IGF2BP2: variants seen among roughly 807,000 people sequenced by gnomAD.
The protein encoded by IGF2BP2 is insulin like growth factor 2 mRNA binding protein 2.
In IGF2BP2, 17 loss-of-function variants were observed where a neutral mutation model predicts 75.8. That is an observed-to-expected ratio of 0.22 (90% CI 0.15 to 0.34). The LOEUF is 0.34. Ranked by LOEUF, IGF2BP2 falls within the 10% of genes least tolerant of loss-of-function variation. The pLI is 1.00. For synonymous variants in IGF2BP2, 288 were observed against 295.6 expected (o/e 0.97, Z 0.26); for missense variants, 516 against 772.4 (o/e 0.67, Z 3.93).
Position 185,824,944 on chromosome 3 carries a change from T to C in IGF2BP2, c.17A>G (p.Tyr6Cys). ...GACGGCGGGGCTCAGGTTCCCGATGTAAAGCTTGTTCATCATCCGTCTCTT... is the reference window on the plus strand; with the variant it reads ...GACGGCGGGGCTCAGGTTCCCGATGCAAAGCTTGTTCATCATCCGTCTCTT... MMNKLYIGNLSPAVTA... is the reference protein window; with the variant it reads MMNKLCIGNLSPAVTA... The change falls in exon 1 of 16, where the codon TAC becomes TGC. Residue 6 changes from tyrosine to cysteine, a missense_variant. Physicochemically the swap from Tyr to Cys is radical, Grantham distance 194 (BLOSUM62 -2). Transcript: ENST00000382199. 6.4e-7 allele frequency: 1 copy of C among 1,551,810 alleles called. No homozygotes were observed. Among genetic ancestry groups the C allele is most frequent in the African/African-American group, 1.4e-5 (1 of 71,844 alleles).
intron 7 of IGF2BP2, among the ~76,000 whole-genome samples, chr3:185,680,153 T>C (rs1720159460): frequency 1.3e-5 from 2 of 152,100 alleles, no homozygotes; most frequent in African/African-American, 4.8e-5. Context: ...ATAAAAAGGA[T>C]TATAAGAGAA....
In IGF2BP2 at chr3:185,675,910, G is replaced by A. The variant is rs1390200216; in HGVS notation, c.816C>T (p.Ala272=). ...CCAAGATTTTCAGAGGAATCTCTTC[G>A]GCTCTAAAAGAGACAAGCAGCAAGT... is the stretch of plus-strand genomic sequence containing the variant. ...MQKEADETKL[A]EEIPLKILAH... is the part of the protein sequence containing the mutation. Residue 272 remains alanine (A), a synonymous_variant, in exon 8 of 16, where the codon GCC becomes GCT. Transcript: ENST00000382199. The A allele has an allele frequency of 2.5e-6, 4 of 1,613,520 alleles. No homozygotes were observed. Among genetic ancestry groups the A allele is most frequent in the Non-Finnish European group, 2.5e-6 (3 of 1,179,858 alleles).
chr3:185,735,534 T>C (rs145468589), intron 2 of IGF2BP2, among the ~76,000 whole-genome samples: 1 of 152,370 alleles, frequency 6.6e-6, no homozygotes, highest in East Asian at 1.9e-4. Context: ...AAAGCTCTCA[T>C]ATCTTTGCTT....
chr3:185,796,155 T>C (rs913538815), intron 2 of IGF2BP2, among the ~76,000 whole-genome samples: 3 of 152,130 alleles, frequency 2.0e-5, no homozygotes, highest in African/African-American at 7.2e-5. Flanking sequence ...ATGAAAAAAC[T>C]TATTTAAAGG....
intron 2 of IGF2BP2, among the ~76,000 whole-genome samples, chr3:185,746,518 C>T (rs979819673): frequency 2.6e-5 from 4 of 152,180 alleles, no homozygotes; most frequent in African/African-American, 9.7e-5. Flanking sequence ...AAGGACTGGC[C>T]TTTCTATCAC....
chr3:185,670,617 G>A (rs1305856670), intron 10 of IGF2BP2, among the ~76,000 whole-genome samples: 1 of 152,116 alleles, frequency 6.6e-6, no homozygotes, highest in Non-Finnish European at 1.5e-5. Flanking sequence ...TGCCCAGGCT[G>A]GAGTGCAGTG....
At chr3:185,726,632 T>C (rs1375629904) in intron 2 of IGF2BP2, among the ~76,000 whole-genome samples, 1 of 152,258 alleles carries the variant, frequency 6.6e-6, no homozygotes, top group East Asian at 1.9e-4. Flanking sequence ...TTTGCTGAAC[T>C]CTCCAGCATT....
intron 2 of IGF2BP2, among the ~76,000 whole-genome samples, chr3:185,723,853 T>C (rs967837577): frequency 6.6e-6 from 1 of 152,000 alleles, no homozygotes; most frequent in South Asian, 2.1e-4. Flanking sequence ...GAAGGAAAAG[T>C]AGGCATCATC....
intron 2 of IGF2BP2, among the ~76,000 whole-genome samples, chr3:185,735,530 C>T (rs531108558): frequency 4.7e-4 from 71 of 152,316 alleles, no homozygotes; most frequent in Non-Finnish European, 9.4e-4. Context: ...GAACAAAGCT[C>T]TCATATCTTT....
In IGF2BP2 at chr3:185,645,414, T is replaced by G; in HGVS notation, c.*117A>C. On this transcript the variant is annotated 3_prime_UTR_variant, in exon 16 of 16. Transcript: ENST00000382199. This position sits in a 1 kb window ranked among gnomAD's most constrained non-coding sequence, Gnocchi z 4.9. ...GTCCCTGGCCGCCTCCGCAGACTTC[T>G]CATTCCTCAGATGGTCTTTGGTTTG... The G allele has an allele frequency of 1.4e-6, 1 of 737,896 alleles. No homozygotes were observed. The highest frequency in any genetic ancestry group is 2.4e-6 in the Non-Finnish European group (1 of 424,330). The allele number at this position is 737,896 out of a possible 1,614,324, so 45.7% of individuals were successfully genotyped here.
intron 2 of IGF2BP2, among the ~76,000 whole-genome samples, chr3:185,754,929 T>C (rs1731414705): frequency 6.6e-6 from 1 of 152,184 alleles, no homozygotes; most frequent in South Asian, 2.1e-4. Context: ...GTGGAACTTA[T>C]ATTTAAAAGG....
intron 1 of IGF2BP2, 49 bp downstream of exon 1, chr3:185,824,734 C>A: frequency 8.1e-7 from 1 of 1,240,192 alleles, no homozygotes; most frequent in Non-Finnish European, 1.0e-6. Flanking sequence ...GGCGCCGTCC[C>A]GGCCTGAGCG....
At chr3:185,689,161 T>G (rs1721561006) in intron 6 of IGF2BP2, 194 bp downstream of exon 6, 1 of 608,130 alleles carries the variant, frequency 1.6e-6, no homozygotes, top group Non-Finnish European at 2.8e-6. Context: ...ACTTTTAGCC[T>G]CTCAGCATGA....
intron 2 of IGF2BP2, among the ~76,000 whole-genome samples, chr3:185,746,442 G>A (rs1730257881): frequency 6.6e-6 from 1 of 152,190 alleles, no homozygotes; most frequent in South Asian, 2.1e-4. Flanking sequence ...AGTAAAAGCA[G>A]GGACGGATCT....
chr3:185,743,673 T>C (rs1012878140), intron 2 of IGF2BP2, among the ~76,000 whole-genome samples: 1 of 152,208 alleles, frequency 6.6e-6, no homozygotes, highest in Non-Finnish European at 1.5e-5. Context: ...CAGCTGGCTT[T>C]AGTTATAGTA....
chr3:185,683,073 A>C (rs961371704), intron 7 of IGF2BP2, among the ~76,000 whole-genome samples: 3 of 152,242 alleles, frequency 2.0e-5, no homozygotes, highest in African/African-American at 7.2e-5. Flanking sequence ...CAGATAAACA[A>C]AATGTGCTAT....
chr3:185,713,945 C>T (rs1331982740), intron 2 of IGF2BP2, among the ~76,000 whole-genome samples: 1 of 152,242 alleles, frequency 6.6e-6, no homozygotes, highest in Non-Finnish European at 1.5e-5. Context: ...AGGTGATCCG[C>T]CCATCTTGGC....
At chr3:185,667,265 C>T (rs749327129) in intron 10 of IGF2BP2, among the ~76,000 whole-genome samples, 9,656 of 152,212 alleles carry the variant, frequency 0.063, 420 homozygotes, top group Middle Eastern at 0.14. Flanking sequence ...ATAAATTCTC[C>T]ATGAATTGCA....
intron 2 of IGF2BP2, among the ~76,000 whole-genome samples, chr3:185,755,436 G>C (rs540170445): frequency 6.6e-6 from 1 of 152,224 alleles, no homozygotes; most frequent in Non-Finnish European, 1.5e-5. Flanking sequence ...CCCACATAGA[G>C]TCCCCACCAG....
Sources: allele counts gnomAD v4.1 joint callset (sites outside exome capture counted in the v4.1 genomes callset), GRCh38; gene constraint gnomAD v4.1.1; non-coding constraint Gnocchi (gnomAD v3.1); transcripts MANE v1.5; gene names NCBI Gene and HGNC (gene_info 2026-07-23, HGNC 2026-07-21).